The following KCNAB2 variants were observed in gnomAD, a reference collection of about 807,000 sequenced individuals.
KCNAB2 encodes voltage-gated potassium channel subunit beta-2.
Under a neutral mutation model 63.6 loss-of-function variants are expected in KCNAB2, and 29 were observed. The observed-to-expected ratio is 0.46, with a 90% confidence interval of 0.34 to 0.62. The LOEUF (loss-of-function observed/expected upper bound fraction) is 0.62. Ranked by LOEUF, KCNAB2 falls within the 20% of genes least tolerant of loss-of-function variation. KCNAB2 has a pLI of 0.01. For synonymous variants in KCNAB2, 222 were observed against 224.2 expected (o/e 0.99, Z 0.09); for missense variants, 359 against 563.9 (o/e 0.64, Z 3.68).
intron 2 of KCNAB2, among the ~76,000 whole-genome samples, chr1:6,060,769 G>A (rs1043588257): frequency 2.6e-5 from 4 of 152,062 alleles, no homozygotes; most frequent in African/African-American, 9.7e-5. Flanking sequence ...TGGGCATGGT[G>A]GCACGTGCCT....
intron 1 of KCNAB2, among the ~76,000 whole-genome samples, chr1:6,007,201 TG>T (rs34064079): frequency 4.6e-5 from 7 of 151,838 alleles, no homozygotes; most frequent in Non-Finnish European, 7.4e-5. Flanking sequence ...AGTCACTGCA[TG>T]GGGGGGGCTC....
At chr1:6,005,759 T>C (rs1205845491) in intron 1 of KCNAB2, among the ~76,000 whole-genome samples, 2 of 151,900 alleles carry the variant, frequency 1.3e-5, no homozygotes, top group East Asian at 1.9e-4. Context: ...CAGCCTCCCA[T>C]TGGGGCAGAT....
At position 6,073,838 on chromosome 1, in the gene KCNAB2, C is replaced by T; in HGVS notation, c.300+68C>T. 2 of 1,505,890 alleles carry T rather than the reference C, an allele frequency of 1.3e-6. No individual in the cohort carries two copies. Among genetic ancestry groups the T allele is most frequent in the African/African-American group, 1.4e-5 (1 of 72,772 alleles). The allele number at this position is 1,505,890 out of a possible 1,614,324, so 93.3% of individuals were successfully genotyped here. On this transcript the variant is annotated intron_variant, in intron 4 of 15. Transcript: ENST00000378083. The surrounding 1 kb of genome is among the most constrained non-coding windows in gnomAD (Gnocchi z 5.7). ...TCGCCAGAGCACATGGTTAAGTCTG[C>T]CGCGTGGACCAGTGAGCACGTGCTC...
In KCNAB2 at chr1:6,073,776, A is replaced by T; in HGVS notation, c.300+6A>T. The T allele has an allele frequency of 6.2e-7, 1 of 1,614,056 alleles. No individual in the cohort carries two copies. Among genetic ancestry groups the T allele is most frequent in the South Asian group, 1.1e-5 (1 of 91,082 alleles). ...GAGGCCAGATCACCGATGAGGTAAG[A>T]TGGGGCTCTCCCAGCACCCCAGAAC... On this transcript the variant is annotated splice_donor_region_variant and intron_variant, in intron 4 of 15. Transcript: ENST00000378083. This position sits in a 1 kb window ranked among gnomAD's most constrained non-coding sequence, Gnocchi z 5.7.
chr1:6,068,654 G>A (rs1194197649), intron 2 of KCNAB2, among the ~76,000 whole-genome samples: 2 of 152,174 alleles, frequency 1.3e-5, no homozygotes, highest in Non-Finnish European at 2.9e-5. Flanking sequence ...CCCGCCCCGG[G>A]CCTCTCCCAT....
chr1:6,054,577 C>T (rs1390263798), intron 2 of KCNAB2, among the ~76,000 whole-genome samples: 1 of 152,148 alleles, frequency 6.6e-6, no homozygotes. Context: ...TTGCAGTGAG[C>T]CAAGATGGAA....
chr1:6,006,619 C>T (rs1321175428), intron 1 of KCNAB2, among the ~76,000 whole-genome samples: 4 of 3,674 alleles, frequency 1.1e-3, no homozygotes, highest in African/African-American at 2.9e-3. Context: ...CTCCCACATC[C>T]CCCCACTCCA....
Position 6,073,706 on chromosome 1 carries a change from A to G in KCNAB2, c.263-27A>G, listed in dbSNP as rs754563939. 1 of 1,613,660 alleles carries G rather than the reference A, an allele frequency of 6.2e-7. No individual in the cohort carries two copies. Among genetic ancestry groups the G allele is most frequent in the East Asian group, 2.2e-5 (1 of 44,888 alleles). Reference sequence around the variant, plus strand: ...TAATCTGGCTTCCTGCCAGGTTCCTAACTTGAGCCCCTGTGTCTCCTTCCA... The same window carrying G: ...TAATCTGGCTTCCTGCCAGGTTCCTGACTTGAGCCCCTGTGTCTCCTTCCA... On this transcript the variant is annotated intron_variant, in intron 3 of 15. Transcript: ENST00000378083. This position sits in a 1 kb window ranked among gnomAD's most constrained non-coding sequence, Gnocchi z 5.7.
intron 1 of KCNAB2, among the ~76,000 whole-genome samples, chr1:6,048,887 T>G (rs944794573): frequency 6.6e-5 from 10 of 152,212 alleles, no homozygotes; most frequent in Non-Finnish European, 1.5e-4. Context: ...AAGCTGGTGC[T>G]GCTGTCTGTG....
chr1:6,052,646 G>C (rs1017245407), intron 2 of KCNAB2, among the ~76,000 whole-genome samples: 38 of 152,092 alleles, frequency 2.5e-4, no homozygotes, highest in Admixed American at 1.8e-3. Flanking sequence ...ACCGTTCTCT[G>C]GCTGGTGTAA....
In KCNAB2 at chr1:6,100,123, C is replaced by T; in HGVS notation, c.*1549C>T. ...GGAGCCACTATTCCAGAAGGCTCCA[C>T]CCTGCCGTCCTGCGGGAGCCTGCTG... On this transcript the variant is annotated 3_prime_UTR_variant, in exon 16 of 16. Transcript: ENST00000378083. 1 of 1,429,702 alleles carries T rather than the reference C, an allele frequency of 7.0e-7. No individual in the cohort carries two copies. Among genetic ancestry groups the T allele is most frequent in the Non-Finnish European group, 9.2e-7 (1 of 1,088,520 alleles). The allele number at this position is 1,429,702 out of a possible 1,614,324, so 88.6% of individuals were successfully genotyped here. A position where few individuals can be genotyped will look rare whatever the true frequency, so the allele number is the denominator to read the frequency against.
chr1:6,092,415 G>T (rs900050250), intron 10 of KCNAB2, among the ~76,000 whole-genome samples: 4 of 152,270 alleles, frequency 2.6e-5, no homozygotes, highest in African/African-American at 9.6e-5. Context: ...GGCAGCATGC[G>T]GTTTCACTGG....
At position 6,101,026 on chromosome 1, in the gene KCNAB2, C is replaced by G. The variant is rs375049565; in HGVS notation, c.*2452C>G. The G allele has an allele frequency of 1.1e-5, 1 of 87,040 alleles. No individual in the cohort carries two copies. The highest frequency in any genetic ancestry group is 4.3e-5 in the African/African-American group (1 of 23,118). 5.4% of individuals were successfully genotyped at this position (87,040 alleles called of 1,614,324 possible). ...GTAAATAATGTGCTTTTTCTCTCCC[C>G]GAGTCTTTTTTTTTAAACCTACCGT... On this transcript the variant is annotated 3_prime_UTR_variant, in exon 16 of 16. Transcript: ENST00000378083.
chr1:6,100,186 AAGTC>A lies in KCNAB2; in HGVS notation c.*1615_*1618del. ...CGGGCCAAGGCCTGGGAAACTGTGA[AAGTC>A]AGAAAGGCCAGCGGGGAGAGGCTGG... On this transcript the variant is annotated 3_prime_UTR_variant, in exon 16 of 16. Coordinates refer to ENST00000378083, the MANE Select transcript of KCNAB2 (RefSeq NM_001199862.2). 8.4e-7 allele frequency: 1 copy of A among 1,185,474 alleles called. No individual in the cohort carries two copies. Among genetic ancestry groups the A allele is most frequent in the Non-Finnish European group, 1.1e-6 (1 of 896,734 alleles). 73.4% of individuals were successfully genotyped at this position (1,185,474 alleles called of 1,614,324 possible).
rs1255358810 is a variant in KCNAB2, at chr1:6,078,417, G to A, written c.301-3778G>A. 2.7e-5 allele frequency among the ~76,000 whole-genome samples: 4 copies of A among 150,390 alleles called. No homozygotes were observed. The highest frequency in any genetic ancestry group is 6.8e-3 in the Middle Eastern group (2 of 294). On this transcript the variant is annotated intron_variant, in intron 4 of 15. Coordinates refer to ENST00000378083, the MANE Select transcript of KCNAB2 (RefSeq NM_001199862.2). This position sits in a 1 kb window ranked among gnomAD's most constrained non-coding sequence, Gnocchi z 4.2. ...GAGAACCATTATTTAGTTGACTGCAGAGAAGAAAGTAGAAAAAGGAGGGCA... is the reference window on the plus strand; with the variant it reads ...GAGAACCATTATTTAGTTGACTGCAAAGAAGAAAGTAGAAAAAGGAGGGCA...
In KCNAB2 at chr1:6,022,446, A is replaced by C. The variant is rs1299251356; in HGVS notation, c.-52-18071A>C. On this transcript the variant is annotated intron_variant, in intron 1 of 16. Transcript: ENST00000341524. Reference sequence around the variant, plus strand: ...TTCAGTGGTATCGAGTGTGTAATTCAGTGGCATTGAGTGTACAGTTCAGTG... The same window carrying C: ...TTCAGTGGTATCGAGTGTGTAATTCCGTGGCATTGAGTGTACAGTTCAGTG... Among the ~76,000 whole-genome samples the C allele has an allele frequency of 1.4e-4, 22 of 151,990 alleles. 1 individual carries two copies. The highest frequency in any genetic ancestry group is 1.4e-3 in the Admixed American group (21 of 15,286).
At chr1:6,060,858 G>A (rs373615335) in intron 2 of KCNAB2, among the ~76,000 whole-genome samples, 7 of 137,444 alleles carry the variant, frequency 5.1e-5, no homozygotes, top group Non-Finnish European at 1.5e-5. Context: ...AGCCAAGGTC[G>A]CACCACTGCA....
rs375155350 is a variant in KCNAB2, at chr1:6,074,688, G to A, written c.300+918G>A. ...TTTAAGACACTAGCTGGCCGGGCGC[G>A]GTGACTCACACCTGTAACCCCAGCA... is the stretch of plus-strand genomic sequence containing the variant. On this transcript the variant is annotated intron_variant, in intron 4 of 15. Coordinates refer to ENST00000378083, the MANE Select transcript of KCNAB2 (RefSeq NM_001199862.2). The surrounding 1 kb of genome is among the most constrained non-coding windows in gnomAD (Gnocchi z 4.9). Among the ~76,000 whole-genome samples the A allele has an allele frequency of 3.5e-3, 527 of 152,256 alleles. 2 individuals are homozygous for A. The highest frequency in any genetic ancestry group is 0.011 in the African/African-American group (472 of 41,542).
chr1:6,013,633 G>C (rs1385628905), intron 1 of KCNAB2, among the ~76,000 whole-genome samples: 1 of 151,996 alleles, frequency 6.6e-6, no homozygotes, highest in Admixed American at 6.6e-5. Context: ...GGAAACCCAG[G>C]AGCCACCTGC....
Sources: allele counts gnomAD v4.1 joint callset (sites outside exome capture counted in the v4.1 genomes callset), GRCh38; gene constraint gnomAD v4.1.1; non-coding constraint Gnocchi (gnomAD v3.1); transcripts MANE v1.5; gene names NCBI Gene and HGNC (gene_info 2026-07-23, HGNC 2026-07-21).